Variants in MAP3K21 observed in about 807,000 individuals in gnomAD.
The protein encoded by MAP3K21 is mitogen-activated protein kinase kinase kinase MLK4.
In MAP3K21, 63 loss-of-function variants were observed where a neutral mutation model predicts 86.1. The observed-to-expected ratio is 0.73, with a 90% CI of 0.60 to 0.90. The LOEUF is 0.90. Among genes scored for constraint, MAP3K21 ranks in the 40% least tolerant of loss-of-function variants. The pLI is 0.00. For synonymous variants in MAP3K21, 558 were observed against 564.8 expected (o/e 0.99, Z 0.17); for missense variants, 1,220 against 1,367.7 (o/e 0.89, Z 1.70).
chr1:233,367,003 T>C (rs2102761498), intron 5 of MAP3K21, among the ~76,000 whole-genome samples: 1 of 152,364 alleles, frequency 6.6e-6, no homozygotes, highest in East Asian at 1.9e-4. Flanking sequence ...GAAAAAAGCA[T>C]GGTCACAGTG....
Position 233,354,960 on chromosome 1 carries a change from CTG to C in MAP3K21, c.1261_1262del (p.Trp421GlufsTer9). 6.2e-7 allele frequency: 1 copy of C among 1,613,722 alleles called. No individual in the cohort carries two copies. The highest frequency in any genetic ancestry group is 1.3e-5 in the African/African-American group (1 of 74,994). On this transcript the variant is annotated frameshift_variant, in exon 4 of 10. Transcript: ENST00000366624. LOFTEE classifies it high-confidence loss of function. Reference protein sequence around the residue: ...QESFHSMQDDWKLEIQQMFDE... With the variant: ...QESFHSMQDDXKLEIQQMFDE... ...AATCTTTTCATTCCATGCAAGATGA[CTG>C]GAAACTAGAAATTCAACAAATGTTT...
Position 233,382,318 on chromosome 1 carries a change from T to A in MAP3K21, c.2718T>A (p.Ile906=), listed in dbSNP as rs185875980. Residue 906 remains isoleucine (I), a synonymous_variant, in exon 10 of 10, where the codon ATT becomes ATA. Coordinates refer to ENST00000366624, the MANE Select transcript of MAP3K21 (RefSeq NM_032435.3). ...DGNPTPTGAT[I]ISATGASALP... is the part of the protein sequence containing the mutation. ...TTTCTCAACCAGCTGGTGCAACTATTATCTCAGCCACTGGAGCCTCTGCAC... is the reference window on the plus strand; with the variant it reads ...TTTCTCAACCAGCTGGTGCAACTATAATCTCAGCCACTGGAGCCTCTGCAC... 2 of 1,612,192 alleles carry A rather than the reference T, an allele frequency of 1.2e-6. No homozygotes were observed. The highest frequency in any genetic ancestry group is 1.7e-6 in the Non-Finnish European group (2 of 1,178,510).
intron 4 of MAP3K21, among the ~76,000 whole-genome samples, chr1:233,360,074 G>A (rs1663439184): frequency 6.6e-6 from 1 of 152,142 alleles, no homozygotes; most frequent in African/African-American, 2.4e-5. Flanking sequence ...AACCTACTTG[G>A]ATTTGCTGTT....
intron 5 of MAP3K21, among the ~76,000 whole-genome samples, chr1:233,363,417 T>A (rs1458407089): frequency 1.3e-5 from 2 of 152,192 alleles, no homozygotes; most frequent in African/African-American, 4.8e-5. Context: ...TAGTATGACA[T>A]CTGGGTGCAG....
chr1:233,359,459 C>T (rs1220706666), intron 4 of MAP3K21, among the ~76,000 whole-genome samples: 1 of 152,144 alleles, frequency 6.6e-6, no homozygotes, highest in Non-Finnish European at 1.5e-5. Context: ...AAGTAAAAAG[C>T]ATAGTGTACG....
chr1:233,338,558 A>G (rs940856811), intron 1 of MAP3K21, among the ~76,000 whole-genome samples: 1 of 152,238 alleles, frequency 6.6e-6, no homozygotes, highest in Non-Finnish European at 1.5e-5. Flanking sequence ...AGTCTTGCAG[A>G]AAAGATGGAT....
chr1:233,342,238 G>T (rs918187962), intron 1 of MAP3K21, among the ~76,000 whole-genome samples: 2 of 152,210 alleles, frequency 1.3e-5, no homozygotes, highest in African/African-American at 4.8e-5. Flanking sequence ...AATAGCTTCT[G>T]AGCAGAACAG....
At chr1:233,363,131 T>C (rs1335225107) in intron 5 of MAP3K21, among the ~76,000 whole-genome samples, 1 of 152,194 alleles carries the variant, frequency 6.6e-6, no homozygotes, top group Non-Finnish European at 1.5e-5. Context: ...TTCACTTTTA[T>C]AGAATCTGTA....
chr1:233,362,115 G>T lies in MAP3K21; in HGVS notation c.1374G>T (p.Glu458Asp). ...RAALQQKSQE[E>D]LLKRREQQLA... is the part of the protein sequence containing the mutation. ...CTCTGCAGCAGAAGTCTCAGGAGGA[G>T]CTGCTAAAGCGGCGTGAGCAGCAGC... The change falls in exon 5 of 10, where the codon GAG becomes GAT. Residue 458 changes from glutamate (E) to aspartate (D), a missense_variant. Around this residue, in one of 5 missense-constraint regions of MAP3K21, gnomAD observed 126 missense variants for 127.7 expected, o/e 0.99. Transcript: ENST00000366624. 1 of 1,613,986 alleles carries T rather than the reference G, an allele frequency of 6.2e-7. No individual in the cohort carries two copies. Among genetic ancestry groups the T allele is most frequent in the Non-Finnish European group, 8.5e-7 (1 of 1,179,938 alleles).
chr1:233,331,054 G>A (rs1314536291), intron 1 of MAP3K21, among the ~76,000 whole-genome samples: 1 of 152,108 alleles, frequency 6.6e-6, no homozygotes, highest in Non-Finnish European at 1.5e-5. Flanking sequence ...AACTATGGCC[G>A]AACAGTTTTT....
intron 5 of MAP3K21, among the ~76,000 whole-genome samples, chr1:233,368,692 C>A (rs546626269): frequency 6.6e-6 from 1 of 152,030 alleles, no homozygotes; most frequent in Admixed American, 6.5e-5. Context: ...GATGGAGGAG[C>A]CTCCCATTTG....
intron 4 of MAP3K21, among the ~76,000 whole-genome samples, chr1:233,359,693 TTAA>T (rs2102757457): frequency 6.6e-6 from 1 of 152,340 alleles, no homozygotes; most frequent in South Asian, 2.1e-4. Flanking sequence ...CATGCCACCG[TTAA>T]TGATTAACAG....
rs1206414668 is a variant in MAP3K21 at position 233,328,103 on chromosome 1, G to C, written c.75G>C (p.Ala25=). ...SSAGGAPGGS[A]SSSSTSSGGS... ...CCGGGGGAGCCCCCGGCGGCTCAGC[G>C]TCCTCGTCGTCCACCTCCTCGGGCG... Residue 25 remains alanine, a synonymous_variant, in exon 1 of 10, where the codon GCG becomes GCC. Coordinates refer to ENST00000366624, the MANE Select transcript of MAP3K21 (RefSeq NM_032435.3). This position sits in a 1 kb window ranked among gnomAD's most constrained non-coding sequence, Gnocchi z 8.7. 1 of 1,380,782 alleles carries C rather than the reference G, an allele frequency of 7.2e-7. No individual in the cohort carries two copies. Among genetic ancestry groups the C allele is most frequent in the African/African-American group, 1.5e-5 (1 of 65,918 alleles). 85.5% of individuals were successfully genotyped at this position (1,380,782 alleles called of 1,614,324 possible). A position where few individuals can be genotyped will look rare whatever the true frequency, so the allele number is the denominator to read the frequency against.
intron 2 of MAP3K21, among the ~76,000 whole-genome samples, chr1:233,351,958 A>G (rs1422486484): frequency 1.3e-5 from 2 of 152,104 alleles, no homozygotes; most frequent in Non-Finnish European, 2.9e-5. Flanking sequence ...GTGCAATCAC[A>G]GCGCACTGCA....
At chr1:233,372,218 C>T (rs773111067) in intron 6 of MAP3K21, 58 bp downstream of exon 6, 1 of 1,597,930 alleles carries the variant, frequency 6.3e-7, no homozygotes, top group South Asian at 1.1e-5. Context: ...TTTCACTTGA[C>T]TTGGATTCAA....
At chr1:233,336,527 C>T (rs1662917846) in intron 1 of MAP3K21, among the ~76,000 whole-genome samples, 1 of 143,376 alleles carries the variant, frequency 7.0e-6, no homozygotes, top group South Asian at 2.3e-4. Flanking sequence ...GGTAACAGAG[C>T]CAGATGCCGT....
intron 6 of MAP3K21, among the ~76,000 whole-genome samples, chr1:233,374,828 G>T (rs867098938): frequency 3.3e-5 from 5 of 151,134 alleles, no homozygotes; most frequent in African/African-American, 1.2e-4. Flanking sequence ...TATGGTCACA[G>T]AGTATTCCAT....
In MAP3K21 at chr1:233,328,044, G is replaced by C; in HGVS notation, c.16G>C (p.Ala6Pro). MALRG[A>P]AGATDTPVSS... ...AGCTGCCCCCATGGCTTTGCGGGGC[G>C]CCGCGGGAGCGACCGACACCCCGGT... Residue 6 changes from alanine (A) to proline (P), a missense_variant, in exon 1 of 10, where the codon GCC becomes CCC. Ala to Pro is a conservative substitution (Grantham distance 27). Transcript: ENST00000366624. This position sits in a 1 kb window ranked among gnomAD's most constrained non-coding sequence, Gnocchi z 8.7. The C allele has an allele frequency of 1.5e-6, 2 of 1,309,032 alleles. No individual in the cohort carries two copies. Among genetic ancestry groups the C allele is most frequent in the Non-Finnish European group, 1.9e-6 (2 of 1,033,684 alleles). 81.1% of individuals were successfully genotyped at this position (1,309,032 alleles called of 1,614,324 possible). A position where few individuals can be genotyped will look rare whatever the true frequency, so the allele number is the denominator to read the frequency against.
intron 6 of MAP3K21, chr1:233,372,869 C>T (rs996266295): frequency 6.6e-6 from 1 of 152,036 alleles, no homozygotes; most frequent in Non-Finnish European, 1.5e-5. Flanking sequence ...GGTAATTAGC[C>T]TAAGTCTGTG....
Sources: allele counts gnomAD v4.1 joint callset (sites outside exome capture counted in the v4.1 genomes callset), GRCh38; gene constraint gnomAD v4.1.1; regional missense constraint gnomAD v4.1.1; non-coding constraint Gnocchi (gnomAD v3.1); transcripts MANE v1.5; gene names NCBI Gene and HGNC (gene_info 2026-07-23, HGNC 2026-07-21).